The following EPB41 variants were observed in gnomAD, a reference collection of about 807,000 sequenced individuals.
EPB41 encodes the protein protein 4.1.
EPB41 carries 65 observed loss-of-function variants against 108.0 expected under a neutral mutation model. The observed-to-expected ratio is 0.60, with a 90% CI of 0.49 to 0.74. The LOEUF is 0.74. Among genes scored for constraint, EPB41 ranks in the 30% least tolerant of loss-of-function variants. The pLI is 0.00. For missense variants in EPB41, 875 were observed against 1,037.0 expected, an observed-to-expected ratio of 0.84 and a Z score of 2.15; for synonymous variants, 336 against 358.9, an observed-to-expected ratio of 0.94 and a Z score of 0.72.
chr1:29,000,370 G>A (rs972021885), intron 4 of EPB41, among the ~76,000 whole-genome samples: 8 of 152,248 alleles, frequency 5.3e-5, no homozygotes, highest in Admixed American at 4.6e-4. Flanking sequence ...AAAGTGCTGG[G>A]ATTACAGGCG....
At chr1:28,994,968 T>TTTTTTTTTTTTTTTTTTTTTTTTGAG (rs1553225075) in intron 3 of EPB41, among the ~76,000 whole-genome samples, 1 of 147,480 alleles carries the variant, frequency 6.8e-6, no homozygotes, top group African/African-American at 2.5e-5. Flanking sequence ...CCTTATTTCT[T>TTTTTTTTTTTTTTTTTTTTTTTTGAG]AATCACATTA....
At chr1:29,030,592 C>T in intron 8 of EPB41, 105 bp downstream of exon 8, 1 of 901,200 alleles carries the variant, frequency 1.1e-6, no homozygotes, top group South Asian at 1.4e-5. Context: ...TTTTTAACAA[C>T]ATCTGGGGTA....
At chr1:28,946,907 A>G (rs2094506414) in intron 1 of EPB41, among the ~76,000 whole-genome samples, 1 of 152,230 alleles carries the variant, frequency 6.6e-6, no homozygotes. Flanking sequence ...TGTGGGATGA[A>G]ATAAACTCAT....
At chr1:29,020,660 G>C (rs956213890) in intron 7 of EPB41, among the ~76,000 whole-genome samples, 38 of 151,814 alleles carry the variant, frequency 2.5e-4, no homozygotes, top group Non-Finnish European at 4.4e-5. Flanking sequence ...ATCTGTCTCT[G>C]ATTTTTTTTT....
At chr1:28,956,964 C>T (rs140130939) in intron 1 of EPB41, among the ~76,000 whole-genome samples, 1 of 152,332 alleles carries the variant, frequency 6.6e-6, no homozygotes, top group African/African-American at 2.4e-5. Context: ...GCAACTTGAG[C>T]TTAGCCTTGA....
intron 1 of EPB41, among the ~76,000 whole-genome samples, chr1:28,968,751 G>T (rs1306827703): frequency 6.6e-6 from 1 of 151,970 alleles, no homozygotes; most frequent in East Asian, 1.9e-4. Context: ...ATCACCTGAC[G>T]CCAGAAGTTC....
At position 28,887,799 on chromosome 1, in the gene EPB41, A is replaced by C; in HGVS notation, c.-8+589A>C. ...CCCCCGGCCGTCGCGCCAGCCCCAC[A>C]CCCTCCCTGCCAGGCTTGGTCTAGG... On this transcript the variant is annotated intron_variant, in intron 1 of 16. Transcript: ENST00000347529. This position sits in a 1 kb window ranked among gnomAD's most constrained non-coding sequence, Gnocchi z 4.9. The C allele has an allele frequency of 2.1e-6, 1 of 473,054 alleles. No homozygotes were observed. The highest frequency in any genetic ancestry group is 2.8e-6 in the Non-Finnish European group (1 of 361,784). The allele number at this position is 473,054 out of a possible 1,614,324, so 29.3% of individuals were successfully genotyped here.
chr1:28,899,542 G>A (rs2091060120), intron 1 of EPB41, among the ~76,000 whole-genome samples: 1 of 152,158 alleles, frequency 6.6e-6, no homozygotes, highest in African/African-American at 2.4e-5. Flanking sequence ...GAGTAGGAAG[G>A]GCCCCATGCC....
intron 16 of EPB41, chr1:29,065,966 C>CAA (rs71022389): frequency 3.5e-4 from 32 of 90,972 alleles, no homozygotes; most frequent in African/African-American, 1.1e-3. Flanking sequence ...GACCCTGTCT[C>CAA]AAAAAAAAAA....
intron 16 of EPB41, among the ~76,000 whole-genome samples, chr1:29,073,588 A>G (rs1308951590): frequency 6.6e-6 from 1 of 152,220 alleles, no homozygotes; most frequent in Non-Finnish European, 1.5e-5. Flanking sequence ...TGACCACTTT[A>G]CTAATTTTCC....
chr1:28,984,177 G>A (rs1035833189), intron 1 of EPB41, among the ~76,000 whole-genome samples: 1 of 152,086 alleles, frequency 6.6e-6, no homozygotes, highest in African/African-American at 2.4e-5. Context: ...TGAGTCTGGG[G>A]TTTTTATAGG....
intron 11 of EPB41, among the ~76,000 whole-genome samples, chr1:29,052,086 T>A (rs564218688): frequency 6.6e-6 from 1 of 152,216 alleles, no homozygotes; most frequent in South Asian, 2.1e-4. Flanking sequence ...GTGATTGTTT[T>A]GAAGTAAGCT....
At chr1:29,052,911 A>T (rs1347316807) in intron 11 of EPB41, among the ~76,000 whole-genome samples, 193 bp from the exon 12 acceptor site, 1 of 152,186 alleles carries the variant, frequency 6.6e-6, no homozygotes, top group Non-Finnish European at 1.5e-5. Flanking sequence ...CTGAGGGTAC[A>T]TTTAACTTCC....
At chr1:28,988,904 A>G (rs914957850) in intron 2 of EPB41, among the ~76,000 whole-genome samples, 4 of 152,204 alleles carry the variant, frequency 2.6e-5, no homozygotes, top group African/African-American at 9.6e-5. Context: ...TATCAAATCA[A>G]TGTGTTCAGC....
chr1:29,080,327 C>T (rs977603283), intron 16 of EPB41, among the ~76,000 whole-genome samples: 1 of 151,744 alleles, frequency 6.6e-6, no homozygotes, highest in Admixed American at 6.6e-5. Flanking sequence ...GTCTTGAACT[C>T]TGGACCTCAA....
chr1:28,942,335 A>G (rs1034287273), intron 1 of EPB41, among the ~76,000 whole-genome samples: 3 of 152,234 alleles, frequency 2.0e-5, no homozygotes, highest in Non-Finnish European at 2.9e-5. Context: ...GCTATTCACA[A>G]GACCCAGGTT....
At chr1:28,943,056 A>G (rs2094355487) in intron 1 of EPB41, among the ~76,000 whole-genome samples, 1 of 152,200 alleles carries the variant, frequency 6.6e-6, no homozygotes, top group South Asian at 2.1e-4. Context: ...AAATTATAAT[A>G]GGAATATTAA....
Position 28,997,162 on chromosome 1 carries a change from A to G in EPB41, c.682-53A>G, listed in dbSNP as rs1202975747. The G allele has an allele frequency of 2.8e-4, 374 of 1,353,958 alleles. 1 individual carries two copies. Among genetic ancestry groups the G allele is most frequent in the Non-Finnish European group, 3.1e-4 (293 of 943,274 alleles). The allele number at this position is 1,353,958 out of a possible 1,614,324, so 83.9% of individuals were successfully genotyped here. On this transcript the variant is annotated intron_variant, in intron 3 of 20. Coordinates refer to ENST00000343067, the MANE Select transcript of EPB41 (RefSeq NM_001376013.1). ...GTGAATCCCCATCTCTTTTGGGGAA[A>G]AAATAAAAGAAGAAGAAACCTCAAC...
intron 4 of EPB41, among the ~76,000 whole-genome samples, chr1:29,004,690 A>C (rs2096367680): frequency 6.6e-6 from 1 of 152,110 alleles, no homozygotes; most frequent in African/African-American, 2.4e-5. Context: ...AATGAATTTA[A>C]ATGTGGTTTT....
Sources: allele counts gnomAD v4.1 joint callset (sites outside exome capture counted in the v4.1 genomes callset), GRCh38; gene constraint gnomAD v4.1.1; non-coding constraint Gnocchi (gnomAD v3.1); transcripts MANE v1.5; gene names NCBI Gene and HGNC (gene_info 2026-07-23, HGNC 2026-07-21).